CDKN2B-AS1: variants seen among roughly 807,000 people sequenced by gnomAD.
The protein encoded by CDKN2B-AS1 is CDKN2B and CDKN2A antisense cis and trans regulatory RNA 1, also known as CDKN2B antisense RNA 1 (non-protein coding).
chr9:22,009,147 G>A, intron 1 of CDKN2B-AS1: 1 of 728,624 alleles, frequency 1.4e-6, no homozygotes. Flanking sequence ...CCGGTCGTTA[G>A]CTCCGGGCTT....
intron 1 of CDKN2B-AS1, among the ~76,000 whole-genome samples, chr9:22,014,518 G>A (rs1160126085): frequency 1.3e-5 from 2 of 151,874 alleles, no homozygotes; most frequent in African/African-American, 4.8e-5. Context: ...TTGCTTTCAG[G>A]TATATGTAAG....
At chr9:22,025,255 G>A (rs1036372587) in intron 1 of CDKN2B-AS1, among the ~76,000 whole-genome samples, 4 of 152,190 alleles carry the variant, frequency 2.6e-5, no homozygotes, top group Non-Finnish European at 4.4e-5. Context: ...GTCTGGTGAC[G>A]AGCAGCTGGG....
chr9:22,081,064 G>T (rs990243177), intron 4 of CDKN2B-AS1, among the ~76,000 whole-genome samples: 109 of 151,982 alleles, frequency 7.2e-4, no homozygotes, highest in African/African-American at 2.6e-3. Flanking sequence ...TTTTAGTTCT[G>T]TTCTATGCTT....
intron 4 of CDKN2B-AS1, among the ~76,000 whole-genome samples, chr9:22,075,989 C>G (rs1440287036): frequency 2.0e-5 from 3 of 152,106 alleles, no homozygotes; most frequent in African/African-American, 4.8e-5. Context: ...TGTGTCTGTC[C>G]TTTTAAAGTC....
intron 4 of CDKN2B-AS1, among the ~76,000 whole-genome samples, chr9:22,126,115 C>G (rs937072556): frequency 6.6e-6 from 1 of 152,162 alleles, no homozygotes; most frequent in African/African-American, 2.4e-5. Flanking sequence ...GCCTTATCAA[C>G]AACATCAACA....
intron 4 of CDKN2B-AS1, among the ~76,000 whole-genome samples, chr9:22,063,224 G>C (rs979297980): frequency 6.6e-6 from 1 of 152,122 alleles, no homozygotes; most frequent in Admixed American, 6.5e-5. Flanking sequence ...AAAGCCTAGG[G>C]TAGCTCTGAG....
chr9:22,002,264 A>G (rs532143973), intron 1 of CDKN2B-AS1, among the ~76,000 whole-genome samples: 7 of 152,178 alleles, frequency 4.6e-5, no homozygotes, highest in African/African-American at 1.7e-4. Context: ...CATTTGCCCC[A>G]GTAGGTAGTT....
intron 4 of CDKN2B-AS1, among the ~76,000 whole-genome samples, chr9:22,124,606 C>G (rs145134970): frequency 1.3e-5 from 2 of 152,178 alleles, no homozygotes; most frequent in Admixed American, 1.3e-4. Flanking sequence ...TTTCTCATCA[C>G]TTAACCTCTA....
intron 1 of CDKN2B-AS1, among the ~76,000 whole-genome samples, chr9:22,022,298 G>C (rs1000151486): frequency 1.3e-5 from 2 of 152,040 alleles, no homozygotes; most frequent in African/African-American, 4.8e-5. Context: ...CAGTCTCTTT[G>C]AAGGTCTGTA....
chr9:22,030,713 A>G (rs1164343165), intron 1 of CDKN2B-AS1: 2 of 151,658 alleles, frequency 1.3e-5, no homozygotes, highest in South Asian at 2.1e-4. Context: ...TTTCCTCATT[A>G]CAGGATATAA....
chr9:22,090,990 A>T (rs1311668707), intron 4 of CDKN2B-AS1, among the ~76,000 whole-genome samples: 1 of 152,110 alleles, frequency 6.6e-6, no homozygotes, highest in African/African-American at 2.4e-5. Flanking sequence ...ATCCATCTTG[A>T]ACTAATTTTT....
chr9:22,027,243 A>G (rs1177809413), intron 1 of CDKN2B-AS1, among the ~76,000 whole-genome samples: 1 of 151,800 alleles, frequency 6.6e-6, no homozygotes, highest in East Asian at 1.9e-4. Context: ...TTATTTAATC[A>G]TTATGAATTT....
chr9:22,010,198 G>C (rs1159703086), intron 1 of CDKN2B-AS1, among the ~76,000 whole-genome samples: 2 of 152,182 alleles, frequency 1.3e-5, no homozygotes, highest in Non-Finnish European at 2.9e-5. Context: ...GGCTGAACCT[G>C]TCATTAAATT....
chr9:22,020,080 G>C (rs571200478), intron 1 of CDKN2B-AS1, among the ~76,000 whole-genome samples: 1 of 152,218 alleles, frequency 6.6e-6, no homozygotes, highest in East Asian at 1.9e-4. Flanking sequence ...GTGTTCATGT[G>C]TTCTCATCAT....
chr9:22,051,807 C>A (rs1823357054), intron 3 of CDKN2B-AS1, among the ~76,000 whole-genome samples: 1 of 152,044 alleles, frequency 6.6e-6, no homozygotes. Context: ...CGAAACACTC[C>A]AGGGATTTTG....
At chr9:22,067,555 C>CAT (rs1563959978) in intron 4 of CDKN2B-AS1, among the ~76,000 whole-genome samples, 8 of 151,562 alleles carry the variant, frequency 5.3e-5, no homozygotes, top group Non-Finnish European at 1.2e-4. Context: ...CACACACACA[C>CAT]GCACGCACAC....
intron 4 of CDKN2B-AS1, among the ~76,000 whole-genome samples, chr9:22,080,191 T>C (rs930787339): frequency 1.3e-5 from 2 of 152,220 alleles, no homozygotes; most frequent in African/African-American, 4.8e-5. Flanking sequence ...GCCCTGTTTA[T>C]GTGTGAAAGG....
intron 4 of CDKN2B-AS1, chr9:22,092,194 C>G (rs1000575960): frequency 1.3e-5 from 2 of 152,072 alleles, no homozygotes; most frequent in Non-Finnish European, 1.5e-5. Context: ...GGTGGATAAG[C>G]CTTTTGGTGT....
At chr9:22,056,247 T>TTTTTTTTTTTTTTTGTTTTTC (rs397743274) in intron 3 of CDKN2B-AS1, 1 of 132,690 alleles carries the variant, frequency 7.5e-6, no homozygotes, top group Non-Finnish European at 1.6e-5. Context: ...TTTTTTTTTT[T>TTTTTTTTTTTTTTTGTTTTTC]CCAGTAGAGA....
Sources: gnomAD v4.1 joint callset for allele counts (sites outside exome capture counted in the v4.1 genomes callset) on GRCh38, gnomAD v4.1.1 for gene constraint, MANE v1.5 for transcripts, NCBI Gene and HGNC (gene_info 2026-07-23, HGNC 2026-07-21) for gene names.